The following TAFA1 variants were observed in gnomAD, a reference collection of about 807,000 sequenced individuals.
TAFA1 encodes the protein chemokine-like protein TAFA-1.
A neutral mutation model predicts 18.5 loss-of-function variants in TAFA1; 4 were observed. The ratio of observed to expected loss-of-function variants is 0.22; its 90% CI spans 0.11 to 0.49. The LOEUF (loss-of-function observed/expected upper bound fraction) is 0.49. Ranked by LOEUF, TAFA1 falls within the 20% of genes least tolerant of loss-of-function variation. TAFA1 has a pLI of 0.98. For missense variants in TAFA1, 147 were observed against 169.0 expected, an observed-to-expected ratio of 0.87 and a Z score of 0.72; for synonymous variants, 56 against 55.2, an observed-to-expected ratio of 1.01 and a Z score of -0.06.
At chr3:68,119,949 A>G (rs2065368742) in intron 2 of TAFA1, among the ~76,000 whole-genome samples, 1 of 152,198 alleles carries the variant, frequency 6.6e-6, no homozygotes, top group East Asian at 1.9e-4. Context: ...CCTAGGTTAA[A>G]GTAAGGGGAA....
chr3:68,502,740 C>T (rs950752629), intron 3 of TAFA1, among the ~76,000 whole-genome samples: 2 of 152,062 alleles, frequency 1.3e-5, no homozygotes, highest in Admixed American at 1.3e-4. Flanking sequence ...CTCTGAGACA[C>T]AATATGCAAA....
intron 2 of TAFA1, among the ~76,000 whole-genome samples, chr3:68,175,154 C>T (rs1022961569): frequency 1.3e-5 from 2 of 152,148 alleles, no homozygotes; most frequent in African/African-American, 4.8e-5. Context: ...ATGGAAACAC[C>T]TGGATGTCCA....
At chr3:68,109,353 T>A (rs1199555312) in intron 2 of TAFA1, among the ~76,000 whole-genome samples, 1 of 152,164 alleles carries the variant, frequency 6.6e-6, no homozygotes, top group Non-Finnish European at 1.5e-5. Context: ...TTGTGCGACA[T>A]ACTTTCATGT....
rs532892532 is a variant in TAFA1 at position 68,156,721 on chromosome 3, A to C, written c.118+149977A>C. Among the ~76,000 whole-genome samples the C allele has an allele frequency of 7.2e-5, 11 of 152,070 alleles. No homozygotes were observed. The East Asian group carries it at 2.1e-3, about 29-fold the overall frequency. ...CAAAATGATGAACAGCATCATTTTC[A>C]TCTTTATAATATTAATAATAACTAT... On this transcript the variant is annotated intron_variant, in intron 2 of 4. Coordinates refer to ENST00000478136, the MANE Select transcript of TAFA1 (RefSeq NM_213609.4).
At position 68,140,115 on chromosome 3, in the gene TAFA1, T is replaced by C. The variant is rs79659224; in HGVS notation, c.118+133371T>C. Among the ~76,000 whole-genome samples the C allele has an allele frequency of 3.1e-3, 473 of 152,340 alleles. 3 individuals carry two copies. Among genetic ancestry groups the C allele is most frequent in the African/African-American group, 0.011 (440 of 41,572 alleles). ...CAGTGAAGAATACATAGTGGGTTAA[T>C]TGAGGTGGCCTCAGTTAATATGAGG... On this transcript the variant is annotated intron_variant, in intron 2 of 4. Transcript: ENST00000478136.
At chr3:68,364,088 A>C (rs1425062330) in intron 2 of TAFA1, among the ~76,000 whole-genome samples, 1 of 151,896 alleles carries the variant, frequency 6.6e-6, no homozygotes, top group African/African-American at 2.4e-5. Flanking sequence ...TGAGAAATTT[A>C]CCCTCTGGGG....
chr3:68,287,921 G>A (rs1001105497), intron 2 of TAFA1, among the ~76,000 whole-genome samples: 7 of 95,158 alleles, frequency 7.4e-5, no homozygotes, highest in African/African-American at 3.3e-5. Flanking sequence ...GGGTGGGGGG[G>A]CTTTTTGAAA....
At chr3:68,511,026 T>G (rs150794066) in intron 3 of TAFA1, among the ~76,000 whole-genome samples, 2 of 152,276 alleles carry the variant, frequency 1.3e-5, no homozygotes, top group African/African-American at 4.8e-5. Flanking sequence ...AGGTCAGATA[T>G]CTATTGTATT....
At chr3:68,182,396 G>A (rs548618237) in intron 2 of TAFA1, among the ~76,000 whole-genome samples, 1 of 152,262 alleles carries the variant, frequency 6.6e-6, no homozygotes, top group East Asian at 1.9e-4. Context: ...GAGATGTATA[G>A]TGTGATGCAT....
chr3:68,309,844 G>A (rs918558062), intron 2 of TAFA1, among the ~76,000 whole-genome samples: 1 of 152,130 alleles, frequency 6.6e-6, no homozygotes, highest in Non-Finnish European at 1.5e-5. Flanking sequence ...CTTCCTTGGT[G>A]TTAATATGGC....
chr3:68,157,435 AGAG>A (rs1393901034), intron 2 of TAFA1, among the ~76,000 whole-genome samples: 3 of 152,216 alleles, frequency 2.0e-5, no homozygotes, highest in Non-Finnish European at 4.4e-5. Context: ...ACTGCTGTAA[AGAG>A]GAGGAGAAAA....
chr3:68,397,211 G>A (rs566709066), intron 2 of TAFA1, among the ~76,000 whole-genome samples: 8 of 151,944 alleles, frequency 5.3e-5, no homozygotes, highest in Non-Finnish European at 1.2e-4. Context: ...TGTTACATAG[G>A]TATGCATCTG....
chr3:68,019,768 C>CA (rs988709436), intron 2 of TAFA1, among the ~76,000 whole-genome samples: 2 of 151,688 alleles, frequency 1.3e-5, no homozygotes, highest in East Asian at 1.9e-4. Flanking sequence ...CAAAAACAAA[C>CA]AACAACAACA....
intron 2 of TAFA1, among the ~76,000 whole-genome samples, chr3:68,305,139 C>T (rs142614603): frequency 3.0e-3 from 463 of 151,886 alleles, no homozygotes; most frequent in African/African-American, 0.01. Context: ...TTGTCTCTTT[C>T]TAGCTTCACC....
intron 2 of TAFA1, among the ~76,000 whole-genome samples, chr3:68,393,145 C>T (rs1436925623): frequency 6.6e-6 from 1 of 151,308 alleles, no homozygotes; most frequent in Non-Finnish European, 1.5e-5. Context: ...AGTAGACACA[C>T]ACACAGAGAA....
intron 2 of TAFA1, among the ~76,000 whole-genome samples, chr3:68,113,713 T>G (rs1345336954): frequency 6.6e-6 from 1 of 151,838 alleles, no homozygotes; most frequent in Non-Finnish European, 1.5e-5. Context: ...AAAAAGAAAG[T>G]CAATAGAAAA....
intron 3 of TAFA1, among the ~76,000 whole-genome samples, chr3:68,486,112 A>ATTTTATTTTG (rs2072335418): frequency 4.8e-5 from 6 of 126,114 alleles, no homozygotes; most frequent in African/African-American, 1.8e-4. Context: ...GTTTTATTTT[A>ATTTTATTTTG]TTTTATTTTA....
At chr3:68,181,480 A>T (rs1025212666) in intron 2 of TAFA1, among the ~76,000 whole-genome samples, 6 of 152,124 alleles carry the variant, frequency 3.9e-5, no homozygotes, top group Non-Finnish European at 5.9e-5. Context: ...TGTTGGAGGT[A>T]CTCAGTAACT....
intron 2 of TAFA1, among the ~76,000 whole-genome samples, chr3:68,193,065 A>G (rs2107018319): frequency 6.6e-6 from 1 of 151,848 alleles, no homozygotes; most frequent in South Asian, 2.1e-4. Flanking sequence ...CTCCATCCTA[A>G]GACGATGAAA....
Sources: allele counts gnomAD v4.1 joint callset (sites outside exome capture counted in the v4.1 genomes callset), GRCh38; gene constraint gnomAD v4.1.1; transcripts MANE v1.5; gene names NCBI Gene and HGNC (gene_info 2026-07-23, HGNC 2026-07-21).